Variants in KCNMB2 observed in about 807,000 individuals in gnomAD.
The protein encoded by KCNMB2 is calcium-activated potassium channel subunit beta-2.
In KCNMB2, 9 loss-of-function variants were observed where a neutral mutation model predicts 24.5. The ratio of observed to expected loss-of-function variants is 0.37; its 90% confidence interval spans 0.22 to 0.64. The LOEUF (loss-of-function observed/expected upper bound fraction) is 0.64, where lower values mean the gene tolerates loss of function less well. Ranked by LOEUF, KCNMB2 falls within the 30% of genes least tolerant of loss-of-function variation. The probability of loss-of-function intolerance (pLI) is 0.63; values close to 1 mark genes in which losing one functional copy is unlikely to be tolerated. For synonymous variants in KCNMB2, 109 were observed against 104.4 expected (o/e 1.04, Z -0.27); for missense variants, 226 against 284.3 (o/e 0.79, Z 1.47).
intron 1 of KCNMB2, among the ~76,000 whole-genome samples, chr3:178,588,282 T>C (rs2108496761): frequency 6.6e-6 from 1 of 152,286 alleles, no homozygotes; most frequent in South Asian, 2.1e-4. Flanking sequence ...TTAAAAGCTC[T>C]GTCACCATTA....
chr3:178,808,247 AT>A (rs1714056284), intron 2 of KCNMB2, among the ~76,000 whole-genome samples: 2 of 152,136 alleles, frequency 1.3e-5, no homozygotes, highest in South Asian at 4.1e-4. Context: ...TTCTCTAGTC[AT>A]TTTTAAATAT....
At chr3:178,602,304 C>CA (rs139895508) in intron 1 of KCNMB2, among the ~76,000 whole-genome samples, 4,694 of 151,798 alleles carry the variant, frequency 0.031, 261 homozygotes, top group African/African-American at 0.11. Flanking sequence ...CCCCTCCCCA[C>CA]AAAAAAATAT....
At chr3:178,594,833 C>T (rs976997596) in intron 1 of KCNMB2, among the ~76,000 whole-genome samples, 1 of 151,844 alleles carries the variant, frequency 6.6e-6, no homozygotes, top group Admixed American at 6.6e-5. Context: ...ACTGAGATCC[C>T]AACTTACACA....
chr3:178,750,471 G>A (rs974445914), intron 1 of KCNMB2, among the ~76,000 whole-genome samples: 1 of 152,112 alleles, frequency 6.6e-6, no homozygotes, highest in South Asian at 2.1e-4. Context: ...GCAATAGAAA[G>A]GCCAGTCAGA....
intron 4 of KCNMB2, among the ~76,000 whole-genome samples, chr3:178,834,643 C>CT (rs1365066631): frequency 6.6e-6 from 1 of 151,732 alleles, no homozygotes; most frequent in Non-Finnish European, 1.5e-5. Context: ...CTGAAAGGGG[C>CT]TAAAAAAAAA....
chr3:178,558,891 G>A (rs918403742), intron 1 of KCNMB2: 3 of 152,154 alleles, frequency 2.0e-5, no homozygotes, highest in Non-Finnish European at 4.4e-5. Flanking sequence ...GTACGCTCTT[G>A]GGTCGTCTCA....
At chr3:178,677,774 C>T (rs1721118878) in intron 1 of KCNMB2, among the ~76,000 whole-genome samples, 1 of 152,068 alleles carries the variant, frequency 6.6e-6, no homozygotes, top group Admixed American at 6.5e-5. Flanking sequence ...GCAAGCAAGC[C>T]CTTCAAGGGG....
At chr3:178,796,994 G>C (rs1713573153) in intron 1 of KCNMB2, among the ~76,000 whole-genome samples, 3 of 151,872 alleles carry the variant, frequency 2.0e-5, no homozygotes, top group Admixed American at 6.6e-5. Context: ...AAAACCATTA[G>C]CCAGACTAAG....
intron 1 of KCNMB2, among the ~76,000 whole-genome samples, chr3:178,804,579 C>A (rs1293768229): frequency 6.6e-6 from 1 of 152,184 alleles, no homozygotes; most frequent in African/African-American, 2.4e-5. Flanking sequence ...CTCCCTCTTT[C>A]TATATCATCT....
intron 1 of KCNMB2, among the ~76,000 whole-genome samples, chr3:178,584,281 G>A (rs1463506479): frequency 6.6e-6 from 1 of 152,254 alleles, no homozygotes; most frequent in African/African-American, 2.4e-5. Flanking sequence ...TCCAAGGTTG[G>A]TGTATTAGAG....
chr3:178,830,831 T>C (rs1241087917), intron 4 of KCNMB2, among the ~76,000 whole-genome samples: 1 of 152,170 alleles, frequency 6.6e-6, no homozygotes. Flanking sequence ...GAACCTCTGT[T>C]GGTTATATGT....
At chr3:178,809,813 A>G (rs1316930159) in intron 2 of KCNMB2, among the ~76,000 whole-genome samples, 1 of 152,224 alleles carries the variant, frequency 6.6e-6, no homozygotes, top group Non-Finnish European at 1.5e-5. Context: ...TTTTATTTTT[A>G]AAGTATGATT....
At chr3:178,713,642 T>C (rs1199743089) in intron 1 of KCNMB2, among the ~76,000 whole-genome samples, 2 of 151,914 alleles carry the variant, frequency 1.3e-5, no homozygotes, top group Non-Finnish European at 2.9e-5. Flanking sequence ...CCCACCCCCA[T>C]AGGTATGGTC....
chr3:178,833,721 C>T (rs570165070), intron 4 of KCNMB2, among the ~76,000 whole-genome samples: 1 of 152,260 alleles, frequency 6.6e-6, no homozygotes, highest in East Asian at 1.9e-4. Flanking sequence ...CTGTCTGCAA[C>T]TTGGTAGAAA....
chr3:178,596,385 T>C (rs1717873605), intron 1 of KCNMB2, among the ~76,000 whole-genome samples: 1 of 152,124 alleles, frequency 6.6e-6, no homozygotes, highest in Non-Finnish European at 1.5e-5. Flanking sequence ...TTTTCTATTT[T>C]AAAAATGAGA....
chr3:178,649,741 T>C (rs954951214), intron 1 of KCNMB2, among the ~76,000 whole-genome samples: 1 of 152,148 alleles, frequency 6.6e-6, no homozygotes, highest in African/African-American at 2.4e-5. Flanking sequence ...TTTATTTGTA[T>C]CTATCTGACT....
chr3:178,640,324 G>A (rs1326980800), intron 1 of KCNMB2, among the ~76,000 whole-genome samples: 2 of 152,302 alleles, frequency 1.3e-5, no homozygotes, highest in East Asian at 3.9e-4. Context: ...TACAATCACA[G>A]CAGAAGGCAA....
chr3:178,646,028 C>T (rs2108553935), intron 1 of KCNMB2, among the ~76,000 whole-genome samples: 2 of 152,284 alleles, frequency 1.3e-5, no homozygotes, highest in Middle Eastern at 3.4e-3. Flanking sequence ...GTCTCACATC[C>T]ATCTGCATAC....
At chr3:178,695,574 C>T (rs1721846181) in intron 1 of KCNMB2, among the ~76,000 whole-genome samples, 1 of 152,090 alleles carries the variant, frequency 6.6e-6, no homozygotes, top group Non-Finnish European at 1.5e-5. Context: ...TTCAATGTTC[C>T]ACAGATCTCT....
Sources: gnomAD v4.1 joint callset for allele counts (sites outside exome capture counted in the v4.1 genomes callset) on GRCh38, gnomAD v4.1.1 for gene constraint, MANE v1.5 for transcripts, NCBI Gene and HGNC (gene_info 2026-07-23, HGNC 2026-07-21) for gene names.